Variants in BRCC3 observed in about 807,000 individuals in gnomAD.
The protein encoded by BRCC3 is lys-63-specific deubiquitinase BRCC36.
In BRCC3, 15 loss-of-function variants were observed where a neutral mutation model predicts 28.0. The ratio of observed to expected loss-of-function variants is 0.54; its 90% CI spans 0.36 to 0.82. The LOEUF is 0.82. BRCC3 is among the 40% of genes least tolerant of loss of function. The pLI is 0.01. For synonymous variants in BRCC3, 66 were observed against 80.3 expected (o/e 0.82, Z 0.95); for missense variants, 109 against 225.9 (o/e 0.48, Z 3.32).
At chrX:155,101,890 AT>A (rs1557296920) in intron 7 of BRCC3, among the ~76,000 whole-genome samples, 1 of 111,796 alleles carries the variant, frequency 8.9e-6, no homozygotes, top group African/African-American at 3.3e-5. Flanking sequence ...CATTTTCTAG[AT>A]TTTTTTGTAT....
chrX:155,072,647 C>T (rs1441384015), intron 2 of BRCC3, among the ~76,000 whole-genome samples: 1 of 111,237 alleles, frequency 9.0e-6, no homozygotes, highest in Admixed American at 9.5e-5. Flanking sequence ...CTGCAACCTC[C>T]GCCTCCCAGG....
At chrX:155,107,490 C>G (rs1414167377) in intron 7 of BRCC3, among the ~76,000 whole-genome samples, 1 of 110,152 alleles carries the variant, frequency 9.1e-6, no homozygotes, top group African/African-American at 3.3e-5. Flanking sequence ...CATGTTCTCT[C>G]TCTGTCATAT....
rs1569560415 is a variant in BRCC3 at position 155,075,287 on chromosome X, CTTT to C, written c.195+1857_195+1859del. Among the ~76,000 whole-genome samples the C allele has an allele frequency of 6.0e-5, 3 of 50,112 alleles. No homozygotes were observed. The African/African-American group carries it at 1.8e-3, about 30-fold the overall frequency. 43.5% of individuals were successfully genotyped at this position (50,112 alleles called of 115,157 possible). A position where few individuals can be genotyped will look rare whatever the true frequency, so the allele number is the denominator to read the frequency against. On this transcript the variant is annotated intron_variant, in intron 3 of 10. Transcript: ENST00000330045. ...AACATCTGATAATGCTAAGCCCACT[CTTT>C]CCCCTGGCCCTTCTTGTTCTTCCCC... is the stretch of plus-strand genomic sequence containing the variant.
At chrX:155,104,832 G>T (rs1318520232) in intron 7 of BRCC3, among the ~76,000 whole-genome samples, 1 of 112,318 alleles carries the variant, frequency 8.9e-6, no homozygotes, top group Admixed American at 9.4e-5. Context: ...GCTTTATTGA[G>T]GTATAATTAA....
chrX:155,079,500 G>A (rs2074070168), intron 5 of BRCC3, among the ~76,000 whole-genome samples: 1 of 111,674 alleles, frequency 9.0e-6, no homozygotes, highest in Non-Finnish European at 1.9e-5. Flanking sequence ...AGACTTTAAT[G>A]AAACACGAGT....
rs782786898 is a variant in BRCC3 at position 155,094,469 on chromosome X, A to G, written c.548+3630A>G. On this transcript the variant is annotated intron_variant, in intron 7 of 10. Transcript: ENST00000330045. ...CATGAAGGAACACAAGAGAGTAGCT[A>G]GAGTCTCATTGCTGGTAGGAGGAAC... Among the ~76,000 whole-genome samples the G allele has an allele frequency of 2.3e-4, 25 of 110,927 alleles. 1 individual carries two copies. The South Asian group carries it at 9.6e-3, about 43-fold the overall frequency.
At chrX:155,082,381 G>A (rs2074090834) in intron 5 of BRCC3, among the ~76,000 whole-genome samples, 1 of 112,173 alleles carries the variant, frequency 8.9e-6, no homozygotes, top group African/African-American at 3.2e-5. Flanking sequence ...TTCGGTTGAG[G>A]TTGGCAGTGG....
chrX:155,094,172 T>C, intron 7 of BRCC3, among the ~76,000 whole-genome samples: 1 of 111,138 alleles, frequency 9.0e-6, no homozygotes, highest in Non-Finnish European at 1.9e-5. Context: ...GAGGCTTCAC[T>C]TTACGGTGAA....
chrX:155,114,438 G>A (rs2124306427), intron 7 of BRCC3, among the ~76,000 whole-genome samples: 2 of 110,994 alleles, frequency 1.8e-5, no homozygotes, highest in African/African-American at 6.5e-5. Flanking sequence ...TGGTCACCAG[G>A]GGCCGGGAGA....
At chrX:155,076,699 G>A (rs910446257) in intron 3 of BRCC3, among the ~76,000 whole-genome samples, 5 of 111,518 alleles carry the variant, frequency 4.5e-5, no homozygotes, top group African/African-American at 1.3e-4. Context: ...CTCCTGATAC[G>A]TGGGGTTTAC....
At chrX:155,112,288 G>A (rs2074326991) in intron 7 of BRCC3, among the ~76,000 whole-genome samples, 1 of 111,615 alleles carries the variant, frequency 9.0e-6, no homozygotes, top group South Asian at 3.7e-4. Context: ...TACCGTGACA[G>A]TCAATCTGAT....
intron 7 of BRCC3, 129 bp from the exon 8 acceptor site, chrX:155,115,928 C>T: frequency 1.5e-6 from 1 of 671,997 alleles, no homozygotes; most frequent in Non-Finnish European, 2.2e-6. Flanking sequence ...AGTTGCATCA[C>T]TAAATGAATT....
chrX:155,120,027 G>A lies in BRCC3; in HGVS notation c.753G>A (p.Met251Ile). Residue 251 changes from methionine (M) to isoleucine (I), a missense_variant, in exon 10 of 11, where the codon ATG becomes ATA. Transcript: ENST00000330045. ...TTACCAAGAATCTGTGCAGTCAGAT[G>A]TCGGCAGTCAGCGGGCCTCTCCTAC... is the stretch of plus-strand genomic sequence containing the variant. ...SVFTKNLCSQ[M>I]SAVSGPLLQW... is the part of the protein sequence containing the mutation. 4 of 1,208,008 alleles carry A rather than the reference G, an allele frequency of 3.3e-6. No homozygotes were observed. Among genetic ancestry groups the A allele is most frequent in the Non-Finnish European group, 4.5e-6 (4 of 893,790 alleles).
chrX:155,078,818 T>A (rs1331443288), intron 5 of BRCC3, 115 bp downstream of exon 5: 1 of 436,231 alleles, frequency 2.3e-6, no homozygotes, highest in Non-Finnish European at 3.9e-6. Flanking sequence ...CTTTAGCAGA[T>A]GTCATTATTT....
intron 7 of BRCC3, among the ~76,000 whole-genome samples, chrX:155,096,276 A>T (rs1469909033): frequency 8.9e-6 from 1 of 112,037 alleles, no homozygotes; most frequent in Non-Finnish European, 1.9e-5. Context: ...ATGTCGAGTA[A>T]CTGTTTAATA....
rs782265745 is a variant in BRCC3, at chrX:155,073,337, AC to A, written c.141-36del. On this transcript the variant is annotated intron_variant, in intron 2 of 10. Coordinates refer to ENST00000330045, the MANE Select transcript of BRCC3 (RefSeq NM_001018055.3). The stretch of plus-strand genomic sequence containing the variant: ...GCTTTAATTCCTTTTTATATTCCAA[AC>A]CCCACTTCCTTTTTTTTTTTCTAAT... 21 of 1,138,978 alleles carry A rather than the reference AC, an allele frequency of 1.8e-5. No individual in the cohort carries two copies. In the South Asian group the frequency reaches 4.3e-4, roughly 23 times the overall value. 93.9% of individuals were successfully genotyped at this position (1,138,978 alleles called of 1,213,427 possible). A position where few individuals can be genotyped will look rare whatever the true frequency, so the allele number is the denominator to read the frequency against.
intron 9 of BRCC3, 77 bp from the exon 10 acceptor site, chrX:155,119,922 G>C: frequency 3.2e-6 from 3 of 923,906 alleles, no homozygotes; most frequent in Non-Finnish European, 4.5e-6. Context: ...TTGGGGGTCT[G>C]TTGGTGATAG....
chrX:155,113,429 G>A (rs1163134724), intron 7 of BRCC3, among the ~76,000 whole-genome samples: 1 of 110,198 alleles, frequency 9.1e-6, no homozygotes, highest in Non-Finnish European at 1.9e-5. Flanking sequence ...AAATGATACT[G>A]GGAAAACTGA....
At chrX:155,074,046 C>T (rs1365144744) in intron 3 of BRCC3, among the ~76,000 whole-genome samples, 1 of 111,855 alleles carries the variant, frequency 8.9e-6, no homozygotes, top group Non-Finnish European at 1.9e-5. Flanking sequence ...CCTTCATCTA[C>T]TTATTACTAC....
Sources: allele counts gnomAD v4.1 joint callset (sites outside exome capture counted in the v4.1 genomes callset), GRCh38; gene constraint gnomAD v4.1.1; transcripts MANE v1.5; gene names NCBI Gene and HGNC (gene_info 2026-07-23, HGNC 2026-07-21).